The following FBXW12 variants were observed in gnomAD, a reference collection of about 807,000 sequenced individuals.
FBXW12 encodes the protein F-box and WD repeat domain containing 12.
Under a neutral mutation model 55.3 loss-of-function variants are expected in FBXW12, and 43 were observed. The ratio of observed to expected loss-of-function variants is 0.78; its 90% CI spans 0.61 to 1.00. FBXW12 has a LOEUF of 1.00. Among genes scored for constraint, FBXW12 ranks in the 50% least tolerant of loss-of-function variants. FBXW12 has a pLI of 0.00. For synonymous variants in FBXW12, 184 were observed against 203.8 expected (o/e 0.90, Z 0.83); for missense variants, 524 against 560.5 (o/e 0.93, Z 0.66).
rs200255206 is a variant in FBXW12, at chr3:48,380,769, A to C, written c.842A>C (p.His281Pro). ...GSVPLSTFLP[H>P]KLCASACWTP... ...GTTCCTCTGTCTACCTTTCTCCCAC[A>C]TAAATTATGTGCCAGCGCCTGCTGG... is the stretch of plus-strand genomic sequence containing the variant. Residue 281 changes from histidine to proline, a missense_variant, in exon 8 of 11, where the codon CAT becomes CCT. Physicochemically the swap from His to Pro is moderately conservative, Grantham distance 77 (BLOSUM62 -2). Coordinates refer to ENST00000296438, the MANE Select transcript of FBXW12 (RefSeq NM_207102.2). The C allele has an allele frequency of 6.2e-7, 1 of 1,614,166 alleles. No individual in the cohort carries two copies. Among genetic ancestry groups the C allele is most frequent in the East Asian group, 2.2e-5 (1 of 44,876 alleles).
chr3:48,392,442 C>T (rs1421806637), intron 10 of FBXW12, among the ~76,000 whole-genome samples: 1 of 100,888 alleles, frequency 9.9e-6, no homozygotes, highest in Non-Finnish European at 1.8e-5. Flanking sequence ...CAGAGCAACA[C>T]TCAGTCTCAA....
chr3:48,386,841 T>C (rs1451600629), intron 10 of FBXW12, among the ~76,000 whole-genome samples: 1 of 152,142 alleles, frequency 6.6e-6, no homozygotes. Context: ...ACTCATTTTA[T>C]ATTACTTTTT....
At chr3:48,373,377 G>C in intron 3 of FBXW12, 32 bp downstream of exon 3, 1 of 1,614,146 alleles carries the variant, frequency 6.2e-7, no homozygotes, top group Non-Finnish European at 8.5e-7. Flanking sequence ...GGAGGGAAGG[G>C]GAGAGGAGAT....
chr3:48,372,274 G>C lies in FBXW12; in HGVS notation c.-131G>C, dbSNP rs1167624923. On this transcript the variant is annotated 5_prime_UTR_variant, in exon 1 of 11. It removes an upstream start codon present in the reference 5' UTR. Transcript: ENST00000296438. ...GAGAAGGTAGAAACCCAGAGGCCATGCTGGCGCTGAGAGATGAGCCCCACT... is the reference window on the plus strand; with the variant it reads ...GAGAAGGTAGAAACCCAGAGGCCATCCTGGCGCTGAGAGATGAGCCCCACT... 6.4e-7 allele frequency: 1 copy of C among 1,552,164 alleles called. No individual in the cohort carries two copies.
At position 48,378,461 on chromosome 3, in the gene FBXW12, C is replaced by A. The variant is rs771648075; in HGVS notation, c.550C>A (p.Leu184Ile). Residue 184 changes from leucine (L) to isoleucine (I), a missense_variant, in exon 6 of 11, where the codon CTC (leucine) becomes ATC (isoleucine). Leu to Ile is a conservative substitution (Grantham distance 5). Coordinates refer to ENST00000296438, the MANE Select transcript of FBXW12 (RefSeq NM_207102.2). ...TCAGGACAGGGACGCTCTGGCTGTT[C>A]TCCCCATGCCACAGCCCTGTTATTG... ...NCQDRDALAV[L>I]PMPQPCYCME... is the part of the protein sequence containing the mutation. 5 of 1,614,060 alleles carry A rather than the reference C, an allele frequency of 3.1e-6. No individual in the cohort carries two copies. The African/African-American group carries it at 5.3e-5, about 17-fold the overall frequency.
chr3:48,373,267 G>A (rs770154464), intron 2 of FBXW12, 41 bp from the exon 3 acceptor site: 1 of 1,614,104 alleles, frequency 6.2e-7, no homozygotes, highest in Admixed American at 1.7e-5. Flanking sequence ...GCTCTCTGAT[G>A]TAACTGATTG....
At position 48,372,307 on chromosome 3, in the gene FBXW12, T is replaced by C. The variant is rs1232962231; in HGVS notation, c.-98T>C. 5 of 1,552,088 alleles carry C rather than the reference T, an allele frequency of 3.2e-6. No individual in the cohort carries two copies. The South Asian group carries it at 5.9e-5, about 18-fold the overall frequency. ...TGAGAGATGAGCCCCACTCACCAGA[T>C]TCAAGATCCCAAGGTAGGCACAGAC... On this transcript the variant is annotated 5_prime_UTR_variant, in exon 1 of 11. Transcript: ENST00000296438.
intron 5 of FBXW12, 41 bp downstream of exon 5, chr3:48,375,513 C>A: frequency 8.4e-7 from 1 of 1,189,986 alleles, no homozygotes; most frequent in Non-Finnish European, 1.2e-6. Flanking sequence ...TGCATATTTG[C>A]ATCCATCCTG....
chr3:48,392,084 T>C (rs1036173097), intron 10 of FBXW12, among the ~76,000 whole-genome samples: 4 of 152,220 alleles, frequency 2.6e-5, no homozygotes, highest in African/African-American at 9.6e-5. Flanking sequence ...CCCATTCCAC[T>C]GGACAATGTA....
intron 4 of FBXW12, 26 bp from the exon 5 acceptor site, chr3:48,375,328 G>A: frequency 2.2e-6 from 3 of 1,362,610 alleles, no homozygotes; most frequent in Non-Finnish European, 3.1e-6. Context: ...CTATCTGGTG[G>A]CCAAGTCTTC....
rs1400399231 is a variant in FBXW12 at position 48,394,605 on chromosome 3, G to C, written c.1341G>C (p.Arg447Ser). The C allele has an allele frequency of 1.9e-6, 3 of 1,608,646 alleles. No individual in the cohort carries two copies. In the Admixed American group the frequency reaches 5.1e-5, roughly 27 times the overall value. Residue 447 changes from arginine to serine, a missense_variant, in exon 11 of 11, where the codon AGG becomes AGC. Transcript: ENST00000296438. ...GTGATAATGCAAGCATAGTACTTAG[G>C]GTGAGGAAAGTAAGTGACTCCAGCA... ...VMCDNASIVLRVRKVSDSSIL... is the reference protein window; with the variant it reads ...VMCDNASIVLSVRKVSDSSIL...
chr3:48,392,272 G>A (rs1281988018), intron 10 of FBXW12, among the ~76,000 whole-genome samples: 1 of 152,048 alleles, frequency 6.6e-6, no homozygotes, highest in Non-Finnish European at 1.5e-5. Context: ...CTAACACGGT[G>A]AAACCCCATC....
chr3:48,391,106 C>CAA lies in FBXW12; in HGVS notation c.1296-3426_1296-3425dup, dbSNP rs587685327. ...GCAACATACAGAGACCCTGTCTCTA[C>CAA]AAAAAAAAAAAAAAAAAAAAAAAAA... On this transcript the variant is annotated intron_variant, in intron 10 of 10. Transcript: ENST00000296438. 3.1e-4 allele frequency among the ~76,000 whole-genome samples: 26 copies of CAA among 82,914 alleles called. 1 individual carries two copies. The highest frequency in any genetic ancestry group is 4.0e-4 in the South Asian group (1 of 2,472). 54.4% of individuals were successfully genotyped at this position (82,914 alleles called of 152,430 possible).
At chr3:48,375,809 G>A (rs1255069097) in intron 5 of FBXW12, among the ~76,000 whole-genome samples, 2 of 150,718 alleles carry the variant, frequency 1.3e-5, no homozygotes, top group Non-Finnish European at 3.0e-5. Context: ...CAAGTAGCTG[G>A]GACTACAGGC....
chr3:48,388,365 T>C (rs1292518912), intron 10 of FBXW12, among the ~76,000 whole-genome samples: 11 of 152,370 alleles, frequency 7.2e-5, no homozygotes, highest in Non-Finnish European at 1.3e-4. Flanking sequence ...TGAGAGACTG[T>C]TGAATTTCCT....
intron 10 of FBXW12, among the ~76,000 whole-genome samples, chr3:48,384,046 T>C (rs1312430440): frequency 6.6e-6 from 1 of 152,218 alleles, no homozygotes; most frequent in East Asian, 1.9e-4. Context: ...GTTCCCTTGT[T>C]TTCCAAGTGA....
At chr3:48,389,414 T>C (rs1419670584) in intron 10 of FBXW12, among the ~76,000 whole-genome samples, 1 of 152,216 alleles carries the variant, frequency 6.6e-6, no homozygotes, top group South Asian at 2.1e-4. Context: ...AGTCTCACTC[T>C]GTCACGTAGG....
chr3:48,379,502 T>C lies in FBXW12; in HGVS notation c.718T>C (p.Ser240Pro), dbSNP rs1393279949. 2 of 1,613,976 alleles carry C rather than the reference T, an allele frequency of 1.2e-6. No individual in the cohort carries two copies. The highest frequency in any genetic ancestry group is 1.7e-6 in the Non-Finnish European group (2 of 1,179,932). ...FQYGIVLLHC[S>P]PDKKWVFACG... ...ATATGGTATTGTACTTCTACACTGC[T>C]CTCCTGACAAGAAATGGGTATTTGC... The change falls in exon 7 of 11, where the codon TCT becomes CCT. Residue 240 changes from serine (S) to proline (P), a missense_variant. Physicochemically the swap from Ser to Pro is moderately conservative, Grantham distance 74. Transcript: ENST00000296438.
At position 48,378,479 on chromosome 3, in the gene FBXW12, T is replaced by C; in HGVS notation, c.568T>C (p.Cys190Arg). 7.4e-6 allele frequency: 12 copies of C among 1,614,128 alleles called. No homozygotes were observed. The highest frequency in any genetic ancestry group is 9.3e-6 in the Non-Finnish European group (11 of 1,180,026). ...ALAVLPMPQP[C>R]YCMEAYLTKD... is the part of the protein sequence containing the mutation. ...GGCTGTTCTCCCCATGCCACAGCCCTGTTATTGCATGGAAGCCTATCTTAC... is the reference window on the plus strand; with the variant it reads ...GGCTGTTCTCCCCATGCCACAGCCCCGTTATTGCATGGAAGCCTATCTTAC... Residue 190 changes from cysteine (C) to arginine (R), a missense_variant, in exon 6 of 11, where the codon TGT (cysteine) becomes CGT (arginine). Coordinates refer to ENST00000296438, the MANE Select transcript of FBXW12 (RefSeq NM_207102.2).
Sources: gnomAD v4.1 joint callset for allele counts (sites outside exome capture counted in the v4.1 genomes callset) on GRCh38, gnomAD v4.1.1 for gene constraint, MANE v1.5 for transcripts, NCBI Gene and HGNC (gene_info 2026-07-23, HGNC 2026-07-21) for gene names.